TECRL: variants seen among roughly 807,000 people sequenced by gnomAD.
TECRL encodes trans-2,3-enoyl-CoA reductase-like.
A neutral mutation model predicts 52.8 loss-of-function variants in TECRL; 63 were observed. The observed-to-expected ratio is 1.19, with a 90% CI of 0.97 to 1.47. TECRL has a LOEUF of 1.47. TECRL is among the 40% of genes most tolerant of loss of function. The probability of loss-of-function intolerance (pLI) is 0.00; values close to 1 mark genes in which losing one functional copy is unlikely to be tolerated. For missense variants in TECRL, 482 were observed against 429.6 expected (o/e 1.12, Z -1.08); for synonymous variants, 164 against 141.9 (o/e 1.16, Z -1.10).
At chr4:64,317,269 A>C (rs1717566515) in intron 4 of TECRL, among the ~76,000 whole-genome samples, 1 of 151,772 alleles carries the variant, frequency 6.6e-6, no homozygotes, top group Admixed American at 6.6e-5. Flanking sequence ...ACAGAGCGAG[A>C]CTCCGTCTCC....
At chr4:64,351,697 T>G (rs980755901) in intron 2 of TECRL, among the ~76,000 whole-genome samples, 6 of 152,204 alleles carry the variant, frequency 3.9e-5, no homozygotes, top group Non-Finnish European at 7.3e-5. Flanking sequence ...CCACGTGTAC[T>G]CCATGAATAT....
chr4:64,300,185 C>G (rs1723934115), intron 7 of TECRL, among the ~76,000 whole-genome samples, 168 bp from the exon 8 acceptor site: 1 of 149,638 alleles, frequency 6.7e-6, no homozygotes, highest in Non-Finnish European at 1.5e-5. Flanking sequence ...AAAGTGTTGA[C>G]TTTTTTTTCA....
intron 2 of TECRL, among the ~76,000 whole-genome samples, chr4:64,342,526 C>T (rs1182368956): frequency 2.0e-5 from 3 of 151,104 alleles, no homozygotes; most frequent in Non-Finnish European, 4.4e-5. Flanking sequence ...TAATCCTTTC[C>T]CTATCTGAAG....
chr4:64,347,680 C>G (rs1720083722), intron 2 of TECRL, among the ~76,000 whole-genome samples: 1 of 152,092 alleles, frequency 6.6e-6, no homozygotes, highest in African/African-American at 2.4e-5. Flanking sequence ...GTCATCACAA[C>G]TCATTCACTA....
intron 9 of TECRL, among the ~76,000 whole-genome samples, chr4:64,282,774 A>G (rs1722891373): frequency 6.6e-6 from 1 of 152,030 alleles, no homozygotes; most frequent in Non-Finnish European, 1.5e-5. Flanking sequence ...ACAGAAAAAT[A>G]TATGTATATA....
At chr4:64,363,099 C>T (rs964613351) in intron 2 of TECRL, among the ~76,000 whole-genome samples, 14 of 151,668 alleles carry the variant, frequency 9.2e-5, no homozygotes, top group African/African-American at 2.7e-4. Flanking sequence ...CAAAGGAGGA[C>T]ATTACGTAAT....
intron 5 of TECRL, among the ~76,000 whole-genome samples, chr4:64,313,610 T>C (rs376147293): frequency 1.3e-5 from 2 of 148,978 alleles, no homozygotes; most frequent in Non-Finnish European, 3.0e-5. Context: ...GCCTCCCGAG[T>C]AGCTGGGACT....
Position 64,322,880 on chromosome 4 carries a change from C to T in TECRL, c.332-88G>A, listed in dbSNP as rs1009873615. On this transcript the variant is annotated intron_variant, in intron 3 of 11. Coordinates refer to ENST00000381210, the MANE Select transcript of TECRL (RefSeq NM_001010874.5). ...TTTCTTAGTGTAAAATCAGTAAAAG[C>T]TAAAGATTAATTTAATATGGAAATT... is the stretch of plus-strand genomic sequence containing the variant. The T allele has an allele frequency of 1.7e-5, 16 of 926,826 alleles. No homozygotes were observed. In the African/African-American group the frequency reaches 2.7e-4, roughly 16 times the overall value. The allele number at this position is 926,826 out of a possible 1,614,324, so 57.4% of individuals were successfully genotyped here. A position where few individuals can be genotyped will look rare whatever the true frequency, so the allele number is the denominator to read the frequency against.
At chr4:64,330,306 T>C (rs908297177) in intron 2 of TECRL, among the ~76,000 whole-genome samples, 11 of 152,044 alleles carry the variant, frequency 7.2e-5, no homozygotes, top group Admixed American at 4.6e-4. Context: ...TCTAAGACCT[T>C]ACAAAACTCC....
At chr4:64,277,297 C>G (rs1333830928), downstream of TECRL, among the ~76,000 whole-genome samples, 1 of 151,732 alleles carries the variant, frequency 6.6e-6, no homozygotes, top group Admixed American at 6.6e-5. Flanking sequence ...TTGTCAGGAT[C>G]GAGTTACAAA....
At chr4:64,408,937 T>C (rs1309871731) in intron 1 of TECRL, among the ~76,000 whole-genome samples, 181 bp downstream of exon 1, 7 of 152,138 alleles carry the variant, frequency 4.6e-5, no homozygotes, top group Non-Finnish European at 8.8e-5. Flanking sequence ...GAGAGATGCA[T>C]TGAACATCTT....
chr4:64,388,325 T>C (rs914394577), intron 1 of TECRL, among the ~76,000 whole-genome samples: 1 of 151,616 alleles, frequency 6.6e-6, no homozygotes, highest in Non-Finnish European at 1.5e-5. Flanking sequence ...CAAAGATCAG[T>C]TGACTGTATT....
At chr4:64,378,163 G>A (rs879617280) in intron 1 of TECRL, among the ~76,000 whole-genome samples, 2 of 152,084 alleles carry the variant, frequency 1.3e-5, no homozygotes, top group Admixed American at 6.6e-5. Context: ...GGTTTCCTAC[G>A]TAAACAGAGC....
chr4:64,325,059 T>G (rs1718161454), intron 3 of TECRL, among the ~76,000 whole-genome samples: 1 of 152,174 alleles, frequency 6.6e-6, no homozygotes, highest in South Asian at 2.1e-4. Context: ...AATTCAGAGA[T>G]CCAGTGCATT....
intron 8 of TECRL, among the ~76,000 whole-genome samples, 171 bp downstream of exon 8, chr4:64,299,803 G>C (rs910982296): frequency 6.6e-6 from 1 of 150,628 alleles, no homozygotes; most frequent in African/African-American, 2.4e-5. Flanking sequence ...AATTTAGAGA[G>C]CTAAAGACTT....
At chr4:64,348,700 A>C (rs73230405) in intron 2 of TECRL, among the ~76,000 whole-genome samples, 1 of 152,092 alleles carries the variant, frequency 6.6e-6, no homozygotes, top group African/African-American at 2.4e-5. Context: ...TGCTTCCACT[A>C]TCTTTCCCAA....
intron 1 of TECRL, among the ~76,000 whole-genome samples, chr4:64,383,021 T>C (rs1722928686): frequency 6.6e-6 from 1 of 152,314 alleles, no homozygotes; most frequent in South Asian, 2.1e-4. Flanking sequence ...AAATGCCTTA[T>C]TTGTCCTTGA....
intron 2 of TECRL, among the ~76,000 whole-genome samples, chr4:64,359,376 C>A (rs183831547): frequency 6.6e-6 from 1 of 151,792 alleles, no homozygotes; most frequent in African/African-American, 2.4e-5. Context: ...ATTGTAAATG[C>A]CATTATACTG....
At chr4:64,380,675 A>G (rs1047067283) in intron 1 of TECRL, among the ~76,000 whole-genome samples, 3 of 152,036 alleles carry the variant, frequency 2.0e-5, no homozygotes, top group Non-Finnish European at 4.4e-5. Flanking sequence ...TCTTCAATGT[A>G]TATTGTTGGC....
Sources: allele counts gnomAD v4.1 joint callset (sites outside exome capture counted in the v4.1 genomes callset), GRCh38; gene constraint gnomAD v4.1.1; transcripts MANE v1.5; gene names NCBI Gene and HGNC (gene_info 2026-07-23, HGNC 2026-07-21).